The following FMN1 variants were observed in gnomAD, a reference collection of about 807,000 sequenced individuals.
FMN1 encodes formin 1, also known as formin-1.
FMN1 carries 110 observed loss-of-function variants against 132.4 expected under a neutral mutation model. That is an observed-to-expected ratio of 0.83 (90% confidence interval 0.71 to 0.97). FMN1 has a LOEUF of 0.97. FMN1 is among the 50% of genes least tolerant of loss of function. The pLI is 0.00. For synonymous variants in FMN1, 722 were observed against 651.7 expected, an observed-to-expected ratio of 1.11 and a Z score of -1.64; for missense variants, 1,792 against 1,705.3, an observed-to-expected ratio of 1.05 and a Z score of -0.90.
chr15:33,087,256 G>A (rs947935272), intron 5 of FMN1, among the ~76,000 whole-genome samples: 2 of 152,188 alleles, frequency 1.3e-5, no homozygotes, highest in Non-Finnish European at 2.9e-5. Flanking sequence ...GAATAAGAAA[G>A]GAGAAGGTAG....
At chr15:33,074,882 G>A (rs993069299) in intron 5 of FMN1, among the ~76,000 whole-genome samples, 1 of 151,848 alleles carries the variant, frequency 6.6e-6, no homozygotes, top group African/African-American at 2.4e-5. Context: ...GCCAGGCGTG[G>A]TGGTGGTGTG....
At chr15:33,085,840 C>A (rs753130086) in intron 5 of FMN1, among the ~76,000 whole-genome samples, 1 of 152,016 alleles carries the variant, frequency 6.6e-6, no homozygotes, top group Non-Finnish European at 1.5e-5. Flanking sequence ...TATCCAATAA[C>A]AGAGAAATAA....
chr15:33,067,986 A>G, intron 5 of FMN1: 1 of 1,479,070 alleles, frequency 6.8e-7, no homozygotes, highest in Non-Finnish European at 8.9e-7. Context: ...ACAGAGAGCA[A>G]CAGGACCCGG....
intron 17 of FMN1, among the ~76,000 whole-genome samples, chr15:32,830,695 A>C (rs1596031276): frequency 1.3e-5 from 2 of 152,310 alleles, no homozygotes; most frequent in South Asian, 4.1e-4. Flanking sequence ...TAACAGAAAG[A>C]GGGGCAGTTA....
intron 6 of FMN1, among the ~76,000 whole-genome samples, chr15:33,030,521 T>C (rs1480915775): frequency 6.6e-6 from 1 of 152,220 alleles, no homozygotes; most frequent in African/African-American, 2.4e-5. Context: ...CCTTATTGGT[T>C]TAATGGGGAC....
chr15:33,082,214 A>T (rs1289086432), intron 5 of FMN1, among the ~76,000 whole-genome samples: 1 of 151,586 alleles, frequency 6.6e-6, no homozygotes, highest in African/African-American at 2.4e-5. Flanking sequence ...CTGGGATTAC[A>T]GGCGCCCACC....
At chr15:32,981,984 G>A (rs1170839866) in intron 7 of FMN1, among the ~76,000 whole-genome samples, 7 of 151,958 alleles carry the variant, frequency 4.6e-5, no homozygotes, top group South Asian at 2.1e-4. Flanking sequence ...AACAAATAAC[G>A]GACACAGGAC....
intron 17 of FMN1, among the ~76,000 whole-genome samples, chr15:32,823,954 G>C (rs1460079523): frequency 6.6e-6 from 1 of 152,210 alleles, no homozygotes; most frequent in South Asian, 2.1e-4. Context: ...GACCACATTG[G>C]AACAGTGTGC....
chr15:33,110,400 AAGACTGGAAAT>A (rs1269830831), intron 4 of FMN1, among the ~76,000 whole-genome samples: 1 of 152,132 alleles, frequency 6.6e-6, no homozygotes, highest in African/African-American at 2.4e-5. Context: ...GTACAGTAAA[AAGACTGGAAAT>A]AAATGTAAAT....
chr15:33,047,290 G>C (rs1309164814), intron 6 of FMN1, among the ~76,000 whole-genome samples: 1 of 152,172 alleles, frequency 6.6e-6, no homozygotes, highest in Non-Finnish European at 1.5e-5. Context: ...CTCTTTGAAA[G>C]TACCTCATAG....
intron 7 of FMN1, among the ~76,000 whole-genome samples, chr15:33,007,363 T>C (rs1330365597): frequency 6.6e-6 from 1 of 152,164 alleles, no homozygotes; most frequent in African/African-American, 2.4e-5. Flanking sequence ...CAGTGCCTGA[T>C]TCAGTATCCA....
intron 17 of FMN1, among the ~76,000 whole-genome samples, chr15:32,843,619 TACTC>T (rs1325062150): frequency 6.6e-6 from 1 of 152,254 alleles, no homozygotes; most frequent in Admixed American, 6.5e-5. Flanking sequence ...ATATTACAAT[TACTC>T]ACGCCACATT....
chr15:32,916,430 C>G (rs951402385), intron 10 of FMN1, among the ~76,000 whole-genome samples: 1 of 152,170 alleles, frequency 6.6e-6, no homozygotes, highest in African/African-American at 2.4e-5. Context: ...TTCTCTTTGA[C>G]TGAGGGAGCA....
chr15:32,927,567 A>AT (rs910299745), intron 9 of FMN1, among the ~76,000 whole-genome samples: 3 of 152,162 alleles, frequency 2.0e-5, no homozygotes, highest in East Asian at 3.9e-4. Flanking sequence ...CCTTAAAATT[A>AT]TTTTTTATAA....
chr15:32,939,950 A>C (rs973442636), intron 9 of FMN1, among the ~76,000 whole-genome samples: 1 of 152,190 alleles, frequency 6.6e-6, no homozygotes, highest in Non-Finnish European at 1.5e-5. Flanking sequence ...CAAAAGTTAT[A>C]AGAAACTGAT....
chr15:32,930,219 C>A (rs2061076048), intron 9 of FMN1, among the ~76,000 whole-genome samples: 1 of 151,912 alleles, frequency 6.6e-6, no homozygotes, highest in Non-Finnish European at 1.5e-5. Context: ...TATCTCCTGA[C>A]CTCATGATCT....
chr15:32,895,109 C>T (rs889812339), intron 15 of FMN1, among the ~76,000 whole-genome samples: 1 of 151,938 alleles, frequency 6.6e-6, no homozygotes, highest in Non-Finnish European at 1.5e-5. Flanking sequence ...GTCATTAAAT[C>T]CTTAGTTGTT....
At chr15:32,811,327 G>A (rs959059867) in intron 17 of FMN1, among the ~76,000 whole-genome samples, 4 of 152,150 alleles carry the variant, frequency 2.6e-5, no homozygotes, top group Non-Finnish European at 5.9e-5. Flanking sequence ...TGGTAAAGTT[G>A]AAGAGTAGAG....
Position 33,089,052 on chromosome 15 carries a change from C to G in FMN1, c.1868-78G>C, listed in dbSNP as rs560248133. Reference sequence around the variant, plus strand: ...AAATAAAGCCATATTTGGGGAACTCCTACATAGACTTCTCTATGCTAGCTC... The same window carrying G: ...AAATAAAGCCATATTTGGGGAACTCGTACATAGACTTCTCTATGCTAGCTC... On this transcript the variant is annotated intron_variant, in intron 4 of 20. Coordinates refer to ENST00000616417, the MANE Select transcript of FMN1 (RefSeq NM_001277313.2). 35 of 1,184,740 alleles carry G rather than the reference C, an allele frequency of 3.0e-5. 1 individual carries two copies. The South Asian group carries it at 5.3e-4, about 18-fold the overall frequency. 73.4% of individuals were successfully genotyped at this position (1,184,740 alleles called of 1,614,324 possible).
Sources: allele counts gnomAD v4.1 joint callset (sites outside exome capture counted in the v4.1 genomes callset), GRCh38; gene constraint gnomAD v4.1.1; transcripts MANE v1.5; gene names NCBI Gene and HGNC (gene_info 2026-07-23, HGNC 2026-07-21).